CELF4: variants seen among roughly 807,000 people sequenced by gnomAD.
CELF4 encodes CUGBP Elav-like family member 4.
CELF4 carries 18 observed loss-of-function variants against 59.9 expected under a neutral mutation model. That is an observed-to-expected ratio of 0.30 (90% confidence interval 0.21 to 0.45). The LOEUF is 0.45. CELF4 is among the 20% of genes least tolerant of loss of function. CELF4 has a pLI of 1.00. For synonymous variants in CELF4, 261 were observed against 267.1 expected (o/e 0.98, Z 0.22); for missense variants, 456 against 689.0 (o/e 0.66, Z 3.79).
At chr18:37,342,885 C>T (rs1344397836) in intron 2 of CELF4, among the ~76,000 whole-genome samples, 2 of 152,146 alleles carry the variant, frequency 1.3e-5, no homozygotes, top group African/African-American at 2.4e-5. Flanking sequence ...TGGGTGGTGT[C>T]CCCCCCAACC....
intron 2 of CELF4, among the ~76,000 whole-genome samples, chr18:37,471,016 ACTGCGTAGC>A (rs1477104982): frequency 6.6e-6 from 1 of 152,078 alleles, no homozygotes; most frequent in African/African-American, 2.4e-5. Context: ...CCTCTCCAGC[ACTGCGTAGC>A]CTGCCCTGAA....
At chr18:37,446,219 C>T (rs1422526934) in intron 2 of CELF4, among the ~76,000 whole-genome samples, 1 of 152,190 alleles carries the variant, frequency 6.6e-6, no homozygotes. Flanking sequence ...AATGCTACAG[C>T]CATGCCACAC....
intron 3 of CELF4, among the ~76,000 whole-genome samples, chr18:37,296,252 C>T (rs934971187): frequency 3.3e-5 from 5 of 152,220 alleles, no homozygotes; most frequent in African/African-American, 1.2e-4. Flanking sequence ...GCCTTCCAGG[C>T]TCAAGCCATC....
intron 2 of CELF4, among the ~76,000 whole-genome samples, chr18:37,347,852 T>G (rs1385921561): frequency 6.6e-6 from 1 of 152,162 alleles, no homozygotes; most frequent in African/African-American, 2.4e-5. Flanking sequence ...CTGGCTGCTG[T>G]GGCCTGTGTC....
At chr18:37,502,318 C>T (rs2099932733) in intron 1 of CELF4, among the ~76,000 whole-genome samples, 1 of 152,038 alleles carries the variant, frequency 6.6e-6, no homozygotes, top group Non-Finnish European at 1.5e-5. Context: ...AATTTTTCTA[C>T]TGGGAACCGA....
chr18:37,487,972 C>T (rs1011496907), intron 1 of CELF4, among the ~76,000 whole-genome samples: 7 of 151,978 alleles, frequency 4.6e-5, no homozygotes, highest in African/African-American at 1.2e-4. Context: ...GCCGTCTCCA[C>T]CCCCTGAATT....
chr18:37,496,746 GGCCATTTAA>G (rs2099925637), intron 1 of CELF4, among the ~76,000 whole-genome samples: 1 of 152,164 alleles, frequency 6.6e-6, no homozygotes, highest in South Asian at 2.1e-4. Flanking sequence ...TCATGATCTT[GGCCATTTAA>G]GCCACTGTTC....
At chr18:37,444,631 C>T (rs976930979) in intron 2 of CELF4, among the ~76,000 whole-genome samples, 1 of 149,970 alleles carries the variant, frequency 6.7e-6, no homozygotes, top group African/African-American at 2.5e-5. Flanking sequence ...CACACACACA[C>T]ACACACACAC....
chr18:37,258,173 C>G (rs568749863), intron 11 of CELF4, among the ~76,000 whole-genome samples: 1 of 152,166 alleles, frequency 6.6e-6, no homozygotes. Flanking sequence ...TAACACCATG[C>G]CCTGAGCACA....
intron 10 of CELF4, among the ~76,000 whole-genome samples, chr18:37,262,010 C>T (rs536154069): frequency 3.9e-5 from 6 of 152,192 alleles, no homozygotes; most frequent in Non-Finnish European, 7.3e-5. Context: ...TGGCCAGGCT[C>T]CAGCCCACCT....
chr18:37,496,280 G>A (rs565969132), intron 1 of CELF4, among the ~76,000 whole-genome samples: 6 of 152,294 alleles, frequency 3.9e-5, no homozygotes, highest in African/African-American at 7.2e-5. Flanking sequence ...AGACCACAGC[G>A]CCCAGGGCTG....
intron 2 of CELF4, among the ~76,000 whole-genome samples, chr18:37,439,396 T>C (rs72889345): frequency 0.018 from 2,724 of 152,250 alleles, 44 homozygotes; most frequent in South Asian, 0.027. Context: ...TGATCATGTG[T>C]GTGCATGTAT....
At chr18:37,479,931 G>A (rs2099861656) in intron 2 of CELF4, among the ~76,000 whole-genome samples, 1 of 152,346 alleles carries the variant, frequency 6.6e-6, no homozygotes, top group African/African-American at 2.4e-5. Context: ...TTGGAAAGAT[G>A]ATGCAAAGAC....
intron 1 of CELF4, among the ~76,000 whole-genome samples, chr18:37,516,463 CAG>C (rs1447827999): frequency 6.6e-6 from 1 of 152,232 alleles, no homozygotes; most frequent in African/African-American, 2.4e-5. Flanking sequence ...TTGGGGAAGA[CAG>C]AGCCCTCGCC....
intron 2 of CELF4, among the ~76,000 whole-genome samples, chr18:37,399,910 G>T (rs8094149): frequency 0.62 from 94,967 of 151,994 alleles, 29,909 homozygotes; most frequent in East Asian, 0.86. Flanking sequence ...TTCTCACCCA[G>T]GCAGATGAGC....
At chr18:37,429,128 A>C (rs2099632558) in intron 2 of CELF4, among the ~76,000 whole-genome samples, 1 of 152,150 alleles carries the variant, frequency 6.6e-6, no homozygotes, top group Non-Finnish European at 1.5e-5. Flanking sequence ...GTGCTTGCTT[A>C]CTTTATAACA....
intron 2 of CELF4, among the ~76,000 whole-genome samples, chr18:37,463,477 T>C (rs1350920714): frequency 6.6e-6 from 1 of 152,208 alleles, no homozygotes; most frequent in Non-Finnish European, 1.5e-5. Flanking sequence ...TTCTTCCCAA[T>C]TTCCAGAAGT....
intron 2 of CELF4, among the ~76,000 whole-genome samples, chr18:37,434,160 T>C (rs1569569396): frequency 2.0e-5 from 3 of 152,090 alleles, no homozygotes; most frequent in Non-Finnish European, 2.9e-5. Flanking sequence ...AAAAAGTAAA[T>C]TAATACTCCA....
intron 1 of CELF4, among the ~76,000 whole-genome samples, chr18:37,546,475 C>A (rs1451499525): frequency 6.6e-6 from 1 of 152,190 alleles, no homozygotes; most frequent in African/African-American, 2.4e-5. Context: ...CAGAGCACTT[C>A]ATTCAGGCTG....
Sources: gnomAD v4.1 joint callset for allele counts (sites outside exome capture counted in the v4.1 genomes callset) on GRCh38, gnomAD v4.1.1 for gene constraint, MANE v1.5 for transcripts, NCBI Gene and HGNC (gene_info 2026-07-23, HGNC 2026-07-21) for gene names.